The following PELI2 variants were observed in gnomAD, a reference collection of about 807,000 sequenced individuals.
PELI2 encodes pellino E3 ubiquitin protein ligase family member 2.
Under a neutral mutation model 42.3 loss-of-function variants are expected in PELI2, and 23 were observed. That is an observed-to-expected ratio of 0.54 (90% CI 0.39 to 0.77). The LOEUF is 0.77. PELI2 is among the 30% of genes least tolerant of loss of function. The pLI is 0.00. For synonymous variants in PELI2, 245 were observed against 212.2 expected (o/e 1.15, Z -1.34); for missense variants, 463 against 553.2 (o/e 0.84, Z 1.64).
At chr14:56,158,247 C>T (rs758122376) in intron 1 of PELI2, among the ~76,000 whole-genome samples, 12 of 152,158 alleles carry the variant, frequency 7.9e-5, no homozygotes, top group Non-Finnish European at 7.4e-5. Flanking sequence ...AGGCTGGTCT[C>T]GAACACCTGA....
rs1421107364 is a variant in PELI2, at chr14:56,299,958, A to AT, written c.*2798dup. ...ACTCTGAGTATTTTTCTAGTCCGGA[A>AT]TTTTTTATTAATAATCGGTGCTGCC... On this transcript the variant is annotated 3_prime_UTR_variant, in exon 6 of 6. Transcript: ENST00000267460. The AT allele has an allele frequency of 1.2e-4, 19 of 152,580 alleles. No individual in the cohort carries two copies. The highest frequency in any genetic ancestry group is 1.0e-3 in the Admixed American group (16 of 15,274). The allele number at this position is 152,580 out of a possible 1,614,324, so 9.5% of individuals were successfully genotyped here.
At chr14:56,252,466 A>ATG (rs1348127672) in intron 2 of PELI2, among the ~76,000 whole-genome samples, 1 of 152,178 alleles carries the variant, frequency 6.6e-6, no homozygotes. Context: ...TTAACCTGTA[A>ATG]CGTATTGTAA....
At chr14:56,129,830 G>A (rs148263444) in intron 1 of PELI2, among the ~76,000 whole-genome samples, 6 of 152,304 alleles carry the variant, frequency 3.9e-5, no homozygotes, top group African/African-American at 1.4e-4. Context: ...CCCTCTGAGG[G>A]TGTAATTGAT....
intron 1 of PELI2, among the ~76,000 whole-genome samples, chr14:56,159,541 G>T (rs533185697): frequency 1.3e-5 from 2 of 152,128 alleles, no homozygotes; most frequent in South Asian, 4.2e-4. Flanking sequence ...ATACAAATAA[G>T]TACTATACTG....
chr14:56,233,553 T>C (rs1197844341), intron 2 of PELI2, among the ~76,000 whole-genome samples: 2 of 152,228 alleles, frequency 1.3e-5, no homozygotes, highest in African/African-American at 4.8e-5. Context: ...GCTAGCCATA[T>C]GTAGAAAGCT....
chr14:56,143,341 C>A (rs944558130), intron 1 of PELI2, among the ~76,000 whole-genome samples: 2 of 152,238 alleles, frequency 1.3e-5, no homozygotes, highest in Non-Finnish European at 2.9e-5. Flanking sequence ...TTACCTTGAT[C>A]ACTTAGTGAA....
At chr14:56,207,427 C>T (rs993282211) in intron 2 of PELI2, among the ~76,000 whole-genome samples, 1 of 152,082 alleles carries the variant, frequency 6.6e-6, no homozygotes, top group African/African-American at 2.4e-5. Flanking sequence ...TACTCACTAC[C>T]CACAAGGGAT....
intron 2 of PELI2, among the ~76,000 whole-genome samples, chr14:56,217,473 G>A (rs1886948538): frequency 6.6e-6 from 1 of 152,208 alleles, no homozygotes; most frequent in African/African-American, 2.4e-5. Context: ...AGTGAGGGGA[G>A]GACTGCGTCC....
intron 2 of PELI2, among the ~76,000 whole-genome samples, chr14:56,198,654 T>C (rs1886225836): frequency 6.6e-6 from 1 of 152,090 alleles, no homozygotes; most frequent in African/African-American, 2.4e-5. Context: ...ATGTGACAGC[T>C]CTTTGGAACA....
At chr14:56,135,661 A>G (rs149067207) in intron 1 of PELI2, among the ~76,000 whole-genome samples, 142 of 152,272 alleles carry the variant, frequency 9.3e-4, no homozygotes, top group African/African-American at 3.3e-3. Flanking sequence ...CTGATAGACT[A>G]TTTTTCAAAA....
chr14:56,252,658 G>A (rs895441995), intron 2 of PELI2, among the ~76,000 whole-genome samples: 1 of 151,940 alleles, frequency 6.6e-6, no homozygotes, highest in African/African-American at 2.4e-5. Flanking sequence ...GAGGGAGAGC[G>A]AGACGTCTGG....
At chr14:56,234,384 A>C (rs535836120) in intron 2 of PELI2, among the ~76,000 whole-genome samples, 1 of 152,346 alleles carries the variant, frequency 6.6e-6, no homozygotes, top group South Asian at 2.1e-4. Flanking sequence ...GGGTTAAGAA[A>C]ATGTGGTACA....
At chr14:56,198,185 A>T (rs1886209042) in intron 2 of PELI2, among the ~76,000 whole-genome samples, 1 of 152,224 alleles carries the variant, frequency 6.6e-6, no homozygotes, top group Admixed American at 6.5e-5. Flanking sequence ...GGCAAAAAAG[A>T]GGAGCCGGTT....
intron 2 of PELI2, among the ~76,000 whole-genome samples, chr14:56,201,230 A>G (rs1886320247): frequency 6.6e-6 from 1 of 152,228 alleles, no homozygotes. Flanking sequence ...TGTCGAAAGG[A>G]TGATCCTGGA....
At chr14:56,125,893 T>C (rs750755406) in intron 1 of PELI2, among the ~76,000 whole-genome samples, 5 of 152,082 alleles carry the variant, frequency 3.3e-5, no homozygotes, top group Admixed American at 6.6e-5. Flanking sequence ...TGGATTTCTG[T>C]GGCACACCCT....
intron 1 of PELI2, among the ~76,000 whole-genome samples, chr14:56,164,985 A>G (rs1884899943): frequency 6.7e-6 from 1 of 150,030 alleles, no homozygotes; most frequent in Non-Finnish European, 1.5e-5. Flanking sequence ...TTTTCAAAAA[A>G]CCAACTTTTT....
intron 1 of PELI2, among the ~76,000 whole-genome samples, chr14:56,164,180 GTCATATATAGCTCTTAT>G (rs1197435534): frequency 1.3e-5 from 2 of 152,074 alleles, no homozygotes; most frequent in Non-Finnish European, 2.9e-5. Flanking sequence ...CTGTGGGTCT[GTCATATATAGCTCTTAT>G]TATGTTGAGG....
intron 2 of PELI2, among the ~76,000 whole-genome samples, chr14:56,238,146 T>A (rs535044692): frequency 6.6e-6 from 1 of 151,784 alleles, no homozygotes; most frequent in African/African-American, 2.4e-5. Flanking sequence ...TGACTTAACC[T>A]ATTGTCAGTC....
At chr14:56,282,826 T>C (rs1286158360) in intron 3 of PELI2, among the ~76,000 whole-genome samples, 1 of 152,146 alleles carries the variant, frequency 6.6e-6, no homozygotes, top group Non-Finnish European at 1.5e-5. Context: ...ACTTTATTAT[T>C]ATATCTTTTT....
Sources: allele counts gnomAD v4.1 joint callset (sites outside exome capture counted in the v4.1 genomes callset), GRCh38; gene constraint gnomAD v4.1.1; transcripts MANE v1.5; gene names NCBI Gene and HGNC (gene_info 2026-07-23, HGNC 2026-07-21).